Variants in SENP7 observed in about 807,000 individuals in gnomAD.
SENP7 encodes SUMO specific peptidase 7.
A neutral mutation model predicts 141.2 loss-of-function variants in SENP7; 64 were observed. That is an observed-to-expected ratio of 0.45 (90% CI 0.37 to 0.56). The LOEUF (loss-of-function observed/expected upper bound fraction) is 0.56. Ranked by LOEUF, SENP7 falls within the 20% of genes least tolerant of loss-of-function variation. The probability of loss-of-function intolerance (pLI) is 0.00; values close to 1 mark genes in which losing one functional copy is unlikely to be tolerated. For missense variants in SENP7, 1,025 were observed against 1,212.2 expected (o/e 0.85, Z 2.29); for synonymous variants, 382 against 426.4 (o/e 0.90, Z 1.28).
chr3:101,351,076 T>C (rs1421424863), intron 12 of SENP7, among the ~76,000 whole-genome samples: 2 of 151,976 alleles, frequency 1.3e-5, no homozygotes, highest in African/African-American at 4.8e-5. Flanking sequence ...TTGTTCTTTT[T>C]AGAATTCATT....
At position 101,327,835 on chromosome 3, in the gene SENP7, A is replaced by G. The variant is rs1339828716; in HGVS notation, c.2865-19T>C. On this transcript the variant is annotated intron_variant, in intron 22 of 23. Coordinates refer to ENST00000394095, the MANE Select transcript of SENP7 (RefSeq NM_020654.5). Reference sequence around the variant, plus strand: ...TAAATACCTGAAATAATCAACAAATAAGAGTGACTAAAGTAGAAATCTATT... The same window carrying G: ...TAAATACCTGAAATAATCAACAAATGAGAGTGACTAAAGTAGAAATCTATT... 6.5e-7 allele frequency: 1 copy of G among 1,543,274 alleles called. No individual in the cohort carries two copies. The highest frequency in any genetic ancestry group is 1.8e-5 in the Admixed American group (1 of 55,614).
rs548005859 is a variant in SENP7, at chr3:101,375,814, T to G, written c.678-3688A>C. ...TAAAAAGGAATGAACTTGTGATAAG[T>G]GCTACATGAATGAACTTTGAACACA... On this transcript the variant is annotated intron_variant, in intron 6 of 23. Coordinates refer to ENST00000394095, the MANE Select transcript of SENP7 (RefSeq NM_020654.5). 2.1e-4 allele frequency among the ~76,000 whole-genome samples: 32 copies of G among 152,296 alleles called. No individual in the cohort carries two copies. The South Asian group carries it at 6.6e-3, about 32-fold the overall frequency.
At chr3:101,499,770 C>T (rs1576537649) in intron 2 of SENP7, among the ~76,000 whole-genome samples, 1 of 152,068 alleles carries the variant, frequency 6.6e-6, no homozygotes, top group Admixed American at 6.6e-5. Context: ...CTCCTGACCT[C>T]GTGATCTGCC....
chr3:101,360,725 A>T (rs2059873339), intron 11 of SENP7, among the ~76,000 whole-genome samples: 2 of 152,228 alleles, frequency 1.3e-5, no homozygotes, highest in South Asian at 4.1e-4. Context: ...ATATAAGAAT[A>T]TAGGTAATTA....
At chr3:101,492,730 G>A (rs2065013473) in intron 3 of SENP7, among the ~76,000 whole-genome samples, 1 of 152,128 alleles carries the variant, frequency 6.6e-6, no homozygotes, top group Admixed American at 6.6e-5. Flanking sequence ...AGGCATAATG[G>A]CTCATACCTC....
chr3:101,332,888 T>C (rs762639103), intron 17 of SENP7, 26 bp from the exon 18 acceptor site: 3 of 1,557,970 alleles, frequency 1.9e-6, no homozygotes, highest in East Asian at 2.3e-5. Context: ...ACAGATTTGA[T>C]ATATAAAAAT....
At chr3:101,485,270 G>A (rs1188519626) in intron 3 of SENP7, among the ~76,000 whole-genome samples, 4 of 152,128 alleles carry the variant, frequency 2.6e-5, no homozygotes, top group Non-Finnish European at 5.9e-5. Context: ...GATGCTTTCT[G>A]GAAAGGGTCA....
At chr3:101,465,568 A>G (rs1003443729) in intron 3 of SENP7, among the ~76,000 whole-genome samples, 4 of 152,218 alleles carry the variant, frequency 2.6e-5, no homozygotes, top group African/African-American at 4.8e-5. Flanking sequence ...AAAAAATCAT[A>G]AAAGATTACA....
At chr3:101,512,102 G>T (rs1263070011) in intron 1 of SENP7, among the ~76,000 whole-genome samples, 1 of 152,140 alleles carries the variant, frequency 6.6e-6, no homozygotes, top group Non-Finnish European at 1.5e-5. Context: ...TTACAGGCGT[G>T]AGCCACCGCG....
At chr3:101,418,086 G>GT (rs1317139678) in intron 4 of SENP7, among the ~76,000 whole-genome samples, 1 of 152,158 alleles carries the variant, frequency 6.6e-6, no homozygotes, top group African/African-American at 2.4e-5. Flanking sequence ...AACAATGTTA[G>GT]TTGAAGGACA....
chr3:101,472,586 C>T (rs1048320843), intron 3 of SENP7, among the ~76,000 whole-genome samples: 2 of 151,974 alleles, frequency 1.3e-5, no homozygotes, highest in African/African-American at 2.4e-5. Context: ...ACCAACATGG[C>T]ACATGTATAC....
Position 101,324,360 on chromosome 3 carries a change from CA to C in SENP7, c.*1582del, listed in dbSNP as rs1342543622. On this transcript the variant is annotated 3_prime_UTR_variant, in exon 24 of 24. Transcript: ENST00000394095. ...TTAATTTAGGAAAATGAATTTTAAA[CA>C]ATCTTCAAAACATGATAAAGGACAG... 1 of 151,906 alleles carries C rather than the reference CA, an allele frequency of 6.6e-6. No homozygotes were observed. Among genetic ancestry groups the C allele is most frequent in the African/African-American group, 2.4e-5 (1 of 41,374 alleles). 9.4% of individuals were successfully genotyped at this position (151,906 alleles called of 1,614,324 possible). A position where few individuals can be genotyped will look rare whatever the true frequency, so the allele number is the denominator to read the frequency against.
chr3:101,509,246 A>G (rs993137052), intron 1 of SENP7, among the ~76,000 whole-genome samples: 2 of 151,812 alleles, frequency 1.3e-5, no homozygotes, highest in African/African-American at 4.8e-5. Context: ...TTCTAGAAAT[A>G]TTTCCTTCCC....
At chr3:101,405,865 A>T (rs1011524001) in intron 5 of SENP7, among the ~76,000 whole-genome samples, 4 of 152,200 alleles carry the variant, frequency 2.6e-5, no homozygotes, top group Non-Finnish European at 4.4e-5. Context: ...AAATTAACCC[A>T]ATCCAACAAA....
chr3:101,511,629 A>G (rs2065861569), intron 1 of SENP7, among the ~76,000 whole-genome samples: 2 of 152,224 alleles, frequency 1.3e-5, no homozygotes, highest in Admixed American at 1.3e-4. Flanking sequence ...TATTATCTCC[A>G]GAATATACAC....
chr3:101,354,689 G>C (rs1157103511), intron 11 of SENP7, among the ~76,000 whole-genome samples: 1 of 151,998 alleles, frequency 6.6e-6, no homozygotes, highest in East Asian at 1.9e-4. Context: ...ATTATGAATA[G>C]TGCTGCAATT....
chr3:101,378,301 CA>C (rs1215332163), intron 6 of SENP7, among the ~76,000 whole-genome samples: 1 of 151,686 alleles, frequency 6.6e-6, no homozygotes, highest in African/African-American at 2.4e-5. Context: ...ATATGATCAA[CA>C]GATAAAGTAT....
chr3:101,445,427 G>A (rs961272357), intron 4 of SENP7, among the ~76,000 whole-genome samples: 2 of 151,434 alleles, frequency 1.3e-5, no homozygotes, highest in Non-Finnish European at 2.9e-5. Context: ...ATGAGAGAGA[G>A]GAATCAGTCA....
intron 3 of SENP7, among the ~76,000 whole-genome samples, chr3:101,483,256 T>C (rs1373560492): frequency 3.9e-5 from 6 of 152,192 alleles, no homozygotes; most frequent in African/African-American, 1.4e-4. Flanking sequence ...TGGAATGCTA[T>C]GCGGCCATAA....
Sources: gnomAD v4.1 joint callset for allele counts (sites outside exome capture counted in the v4.1 genomes callset) on GRCh38, gnomAD v4.1.1 for gene constraint, MANE v1.5 for transcripts, NCBI Gene and HGNC (gene_info 2026-07-23, HGNC 2026-07-21) for gene names.